Variants in ALDH4A1 observed in about 807,000 individuals in gnomAD.
ALDH4A1 encodes aldehyde dehydrogenase 4 family member A1.
Under a neutral mutation model 70.5 loss-of-function variants are expected in ALDH4A1, and 46 were observed. The observed-to-expected ratio is 0.65, with a 90% CI of 0.51 to 0.83. The LOEUF is 0.83. Ranked by LOEUF, ALDH4A1 falls within the 40% of genes least tolerant of loss-of-function variation. The pLI is 0.00. For synonymous variants in ALDH4A1, 323 were observed against 324.3 expected, an observed-to-expected ratio of 1.00 and a Z score of 0.04; for missense variants, 749 against 766.5, an observed-to-expected ratio of 0.98 and a Z score of 0.27.
rs754334877 is a variant in ALDH4A1 at position 18,874,474 on chromosome 1, G to GC, written c.1567dup (p.Ala523GlyfsTer8). On this transcript the variant is annotated frameshift_variant, in exon 14 of 15. Transcript: ENST00000375341. LOFTEE classifies it high-confidence loss of function. ...GGGGACCCACTCACCAGAGGCTCGG[G>GC]CCCCCCCAAAGGGCTGCTGGCCCAC... is the stretch of plus-strand genomic sequence containing the variant. The GC allele has an allele frequency of 5.6e-5, 90 of 1,613,402 alleles. No homozygotes were observed. Among genetic ancestry groups the GC allele is most frequent in the Non-Finnish European group, 5.0e-5 (59 of 1,179,914 alleles).
Position 18,874,574 on chromosome 1 carries a change from C to G in ALDH4A1, c.1468G>C (p.Val490Leu), listed in dbSNP as rs199624169. ...CTCAGCACCTTTGTGGCCTCCTGCA[C>G]GACGTCCCTACAAAGCAGAGCAGTG... Reference protein sequence around the residue: ...GAVFSQDKDVVQEATKVLRNA... With the variant: ...GAVFSQDKDVLQEATKVLRNA... The change falls in exon 14 of 15, where the codon GTG becomes CTG. Residue 490 changes from valine to leucine, a missense_variant. Coordinates refer to ENST00000375341, the MANE Select transcript of ALDH4A1 (RefSeq NM_003748.4). 16 of 1,614,080 alleles carry G rather than the reference C, an allele frequency of 9.9e-6. No individual in the cohort carries two copies. Among genetic ancestry groups the G allele is most frequent in the Admixed American group, 8.3e-5 (5 of 60,012 alleles).
chr1:18,878,318 G>A (rs1934813587), intron 9 of ALDH4A1, among the ~76,000 whole-genome samples: 1 of 152,188 alleles, frequency 6.6e-6, no homozygotes, highest in Non-Finnish European at 1.5e-5. Flanking sequence ...CCTGCTCCAG[G>A]TTGGAAAGTG....
chr1:18,877,403 C>T lies in ALDH4A1; in HGVS notation c.1137+13G>A, dbSNP rs757034039. The stretch of plus-strand genomic sequence containing the variant: ...CCCCGCTGGGCCGCGGCGGGGGTGA[C>T]GGTGCCACTCACGTCGCCCACTTTG... On this transcript the variant is annotated intron_variant, in intron 10 of 14. Transcript: ENST00000375341. 1.1e-5 allele frequency: 17 copies of T among 1,559,718 alleles called. No individual in the cohort carries two copies. Among genetic ancestry groups the T allele is most frequent in the Middle Eastern group, 1.8e-4 (1 of 5,460 alleles).
chr1:18,890,816 C>T (rs765277504), intron 1 of ALDH4A1: 6 of 975,044 alleles, frequency 6.2e-6, no homozygotes, highest in Non-Finnish European at 7.2e-6. Context: ...ACCCAAACTC[C>T]TCTCTCTAAG....
intron 1 of ALDH4A1, among the ~76,000 whole-genome samples, chr1:18,896,532 A>G (rs532225249): frequency 5.5e-4 from 84 of 152,312 alleles, no homozygotes; most frequent in African/African-American, 1.9e-3. Flanking sequence ...AATCCTCCCT[A>G]TCACCGACAT....
At chr1:18,875,660 G>A (rs1273416774) in intron 12 of ALDH4A1, among the ~76,000 whole-genome samples, 157 bp from the exon 13 acceptor site, 3 of 152,110 alleles carry the variant, frequency 2.0e-5, no homozygotes, top group Non-Finnish European at 4.4e-5. Context: ...GCCTCCTCCT[G>A]GGTTCCCTCC....
Position 18,877,266 on chromosome 1 carries a change from G to T in ALDH4A1, c.1138-11C>A. The T allele has an allele frequency of 6.2e-7, 1 of 1,602,422 alleles. No homozygotes were observed. Among genetic ancestry groups the T allele is most frequent in the East Asian group, 2.3e-5 (1 of 44,108 alleles). On this transcript the variant is annotated splice_polypyrimidine_tract_variant and intron_variant, in intron 10 of 14. Transcript: ENST00000375341. ...AAAATCCTCTGCAGGCTGGAGGCAA[G>T]GGAGGCGCCAGAAGAGACGAGTCAC... is the stretch of plus-strand genomic sequence containing the variant.
chr1:18,877,629 TG>T lies in ALDH4A1; in HGVS notation c.941-18del. The T allele has an allele frequency of 1.5e-6, 1 of 683,990 alleles. No individual in the cohort carries two copies. Among genetic ancestry groups the T allele is most frequent in the Non-Finnish European group, 2.6e-6 (1 of 389,516 alleles). The allele number at this position is 683,990 out of a possible 1,614,324, so 42.4% of individuals were successfully genotyped here. ...CGCCGCACTCTACAGGGGTCGGGGG[TG>T]GGGAAATGACCAGAGGAGCTGGCTC... On this transcript the variant is annotated intron_variant, in intron 9 of 14. Transcript: ENST00000375341.
chr1:18,894,865 C>CTTTTTTTTTT (rs34445898), intron 1 of ALDH4A1, among the ~76,000 whole-genome samples: 18 of 109,954 alleles, frequency 1.6e-4, no homozygotes, highest in African/African-American at 3.5e-4. Context: ...TTCTTTCTTT[C>CTTTTTTTTTT]TTTTTTTTTT....
At position 18,895,227 on chromosome 1, in the gene ALDH4A1, C is replaced by T. The variant is rs185614943; in HGVS notation, c.63-5122G>A. 1.5e-3 allele frequency among the ~76,000 whole-genome samples: 230 copies of T among 152,314 alleles called. 1 individual carries two copies. The highest frequency in any genetic ancestry group is 2.6e-3 in the Non-Finnish European group (180 of 68,026). The stretch of plus-strand genomic sequence containing the variant: ...CCTCAGTCCTCCCACTTAGGGAAGG[C>T]GGCACAAGACAGAGTCTGAATCTGA... On this transcript the variant is annotated intron_variant, in intron 1 of 14. Coordinates refer to ENST00000375341, the MANE Select transcript of ALDH4A1 (RefSeq NM_003748.4).
At chr1:18,882,740 T>C in intron 7 of ALDH4A1, 1 of 572,176 alleles carries the variant, frequency 1.7e-6, no homozygotes, top group Admixed American at 1.9e-5. Context: ...TGGTGAGCAC[T>C]GAAGGTCAGC....
chr1:18,887,776 C>A (rs1935275623), intron 3 of ALDH4A1, among the ~76,000 whole-genome samples: 1 of 152,194 alleles, frequency 6.6e-6, no homozygotes, highest in Admixed American at 6.5e-5. Flanking sequence ...AGTACCTCAG[C>A]CTGTAAGCAG....
intron 7 of ALDH4A1, chr1:18,882,463 G>A (rs894885564): frequency 5.0e-5 from 24 of 476,454 alleles, no homozygotes; most frequent in South Asian, 3.0e-4. Flanking sequence ...TCCCCCACAG[G>A]CCTGGGACTT....
intron 1 of ALDH4A1, among the ~76,000 whole-genome samples, chr1:18,892,592 GGA>G (rs1935481656): frequency 6.6e-6 from 1 of 151,794 alleles, no homozygotes; most frequent in African/African-American, 2.4e-5. Context: ...CGTGGTAGAG[GGA>G]GAGGGAGAGG....
intron 5 of ALDH4A1, among the ~76,000 whole-genome samples, chr1:18,884,254 T>C (rs1935104762): frequency 6.6e-6 from 1 of 152,214 alleles, no homozygotes; most frequent in Non-Finnish European, 1.5e-5. Flanking sequence ...AGAGGGCTGC[T>C]GAGCCAATCT....
intron 9 of ALDH4A1, among the ~76,000 whole-genome samples, chr1:18,878,343 C>A (rs1357254467): frequency 6.6e-6 from 1 of 152,200 alleles, no homozygotes; most frequent in Non-Finnish European, 1.5e-5. Flanking sequence ...CCAGCGGCCT[C>A]TCTCCCTCAG....
chr1:18,877,311 A>T (rs1934742884), intron 10 of ALDH4A1, 56 bp from the exon 11 acceptor site: 1 of 1,570,110 alleles, frequency 6.4e-7, no homozygotes, highest in Admixed American at 1.8e-5. Context: ...AGACCAAGGG[A>T]GACCCCTCCC....
At chr1:18,902,333 C>T (rs1284329566) in intron 1 of ALDH4A1, 129 bp downstream of exon 1, 4 of 724,608 alleles carry the variant, frequency 5.5e-6, no homozygotes, top group Non-Finnish European at 7.9e-6. Flanking sequence ...CCCTGAGGAA[C>T]CCGGCGTTGA....
At chr1:18,899,208 G>A (rs1485798265) in intron 1 of ALDH4A1, among the ~76,000 whole-genome samples, 3 of 152,222 alleles carry the variant, frequency 2.0e-5, no homozygotes, top group East Asian at 1.9e-4. Context: ...GCCAGCCCTC[G>A]ACCCAGGGCA....
Sources: allele counts gnomAD v4.1 joint callset (sites outside exome capture counted in the v4.1 genomes callset), GRCh38; gene constraint gnomAD v4.1.1; transcripts MANE v1.5; gene names NCBI Gene and HGNC (gene_info 2026-07-23, HGNC 2026-07-21).